Variants in DOCK1 observed in about 807,000 individuals in gnomAD.
DOCK1 encodes dedicator of cytokinesis 1, also known as dedicator of cytokinesis protein 1.
A neutral mutation model predicts 262.7 loss-of-function variants in DOCK1; 138 were observed. The ratio of observed to expected loss-of-function variants is 0.53; its 90% confidence interval spans 0.46 to 0.61. The LOEUF (loss-of-function observed/expected upper bound fraction) is 0.61. Among genes scored for constraint, DOCK1 ranks in the 20% least tolerant of loss-of-function variants. The pLI is 0.00. For synonymous variants in DOCK1, 866 were observed against 867.4 expected (o/e 1.00, Z 0.03); for missense variants, 1,908 against 2,370.7 (o/e 0.80, Z 4.05).
intron 1 of DOCK1, among the ~76,000 whole-genome samples, chr10:126,945,899 G>A (rs920456904): frequency 2.0e-5 from 3 of 152,166 alleles, no homozygotes; most frequent in Non-Finnish European, 4.4e-5. Flanking sequence ...CATGATTGCC[G>A]CAGTGCTTTA....
intron 49 of DOCK1, among the ~76,000 whole-genome samples, chr10:127,439,438 C>T (rs1183212787): frequency 2.0e-5 from 3 of 152,230 alleles, no homozygotes; most frequent in Non-Finnish European, 1.5e-5. Context: ...GTGGGCTTAG[C>T]ATTTGTCCCC....
intron 29 of DOCK1, among the ~76,000 whole-genome samples, chr10:127,303,313 G>T (rs1282239521): frequency 2.0e-5 from 3 of 152,148 alleles, no homozygotes; most frequent in African/African-American, 7.2e-5. Flanking sequence ...AGACAGCAAA[G>T]GTGGAGGATG....
chr10:126,998,130 GTT>G lies in DOCK1; in HGVS notation c.650_651del (p.Phe217CysfsTer18). 1.9e-6 allele frequency: 3 copies of G among 1,614,040 alleles called. No homozygotes were observed. The highest frequency in any genetic ancestry group is 2.5e-6 in the Non-Finnish European group (3 of 1,179,902). ...QNIDINRQAKFAATPSLALFV... is the reference protein window; with the variant it reads ...QNIDINRQAKXAATPSLALFV... ...ACATAGATATTAACAGACAAGCCAA[GTT>G]TGCTGCAACCCCTTCTCTGGCCTTG... On this transcript the variant is annotated frameshift_variant, in exon 8 of 52. Coordinates refer to ENST00000623213, the MANE Select transcript of DOCK1 (RefSeq NM_001290223.2). LOFTEE classifies it high-confidence loss of function.
chr10:126,914,397 TTTTA>T (rs145347278), intron 1 of DOCK1, among the ~76,000 whole-genome samples: 4,532 of 152,210 alleles, frequency 0.03, 232 homozygotes, highest in African/African-American at 0.1. Context: ...CAGTTTTAAA[TTTTA>T]TTTTATTTAT....
chr10:127,126,668 C>T (rs550989968), intron 26 of DOCK1, among the ~76,000 whole-genome samples: 100 of 152,296 alleles, frequency 6.6e-4, no homozygotes, highest in Non-Finnish European at 8.2e-4. Context: ...TTGGAGCACA[C>T]ACATGATGCT....
rs747189339 is a variant in DOCK1 at position 127,419,762 on chromosome 10, G to T, written c.4776+13G>T. Reference sequence around the variant, plus strand: ...GATTGCTTGGCAGGTAAAGTGTCCAGCAAGAGTCCTGCATGGCTGGAGGGA... The same window carrying T: ...GATTGCTTGGCAGGTAAAGTGTCCATCAAGAGTCCTGCATGGCTGGAGGGA... On this transcript the variant is annotated intron_variant, in intron 46 of 51. Transcript: ENST00000623213. 2.0e-5 allele frequency: 31 copies of T among 1,581,080 alleles called. No individual in the cohort carries two copies. Among genetic ancestry groups the T allele is most frequent in the Non-Finnish European group, 2.7e-5 (31 of 1,162,958 alleles).
intron 27 of DOCK1, among the ~76,000 whole-genome samples, chr10:127,146,540 A>G (rs1273734363): frequency 6.6e-6 from 1 of 152,212 alleles, no homozygotes; most frequent in Non-Finnish European, 1.5e-5. Context: ...TTCATTAAAC[A>G]AAAGTATTTC....
chr10:127,338,948 C>T, intron 29 of DOCK1, 58 bp from the exon 30 acceptor site: 1 of 1,430,584 alleles, frequency 7.0e-7, no homozygotes, highest in South Asian at 1.2e-5. Context: ...AAATGCCAAA[C>T]CTACCGAAGT....
intron 47 of DOCK1, among the ~76,000 whole-genome samples, chr10:127,432,877 C>T (rs1037493172): frequency 6.6e-6 from 1 of 152,054 alleles, no homozygotes; most frequent in Non-Finnish European, 1.5e-5. Context: ...TTTGATGGCC[C>T]GTGTAGTCTG....
chr10:127,428,757 G>A, intron 47 of DOCK1, among the ~76,000 whole-genome samples: 1 of 148,134 alleles, frequency 6.8e-6, no homozygotes, highest in African/African-American at 2.5e-5. Flanking sequence ...TGTGTGGATT[G>A]GGGTACCGTG....
At chr10:127,243,712 C>T (rs1484626656) in intron 27 of DOCK1, among the ~76,000 whole-genome samples, 2 of 152,088 alleles carry the variant, frequency 1.3e-5, no homozygotes, top group African/African-American at 4.8e-5. Context: ...CAAGGCCACA[C>T]CAACAGGGGG....
chr10:127,302,739 GGGGTGTGTGT>G (rs1489308519), intron 29 of DOCK1, among the ~76,000 whole-genome samples: 1,980 of 124,566 alleles, frequency 0.016, 40 homozygotes, highest in African/African-American at 0.048. Flanking sequence ...TGGAAAAGAG[GGGGTGTGTGT>G]GTGTGTGTGT....
At chr10:126,980,944 C>A (rs1002158873) in intron 3 of DOCK1, among the ~76,000 whole-genome samples, 1 of 149,716 alleles carries the variant, frequency 6.7e-6, no homozygotes, top group South Asian at 2.1e-4. Context: ...CAGGACCCTA[C>A]GTTTTTTTTT....
chr10:127,441,933 C>A (rs1379554115), intron 49 of DOCK1, among the ~76,000 whole-genome samples: 1 of 152,108 alleles, frequency 6.6e-6, no homozygotes, highest in Admixed American at 6.5e-5. Flanking sequence ...AATGTGCCCT[C>A]CCTGGGATGC....
At chr10:126,931,817 C>T (rs907313111) in intron 1 of DOCK1, among the ~76,000 whole-genome samples, 10 of 152,072 alleles carry the variant, frequency 6.6e-5, no homozygotes, top group African/African-American at 1.7e-4. Flanking sequence ...CCCTGGGCTT[C>T]GGGAGGATGC....
At chr10:126,919,768 G>A (rs542613192) in intron 1 of DOCK1, among the ~76,000 whole-genome samples, 8 of 152,302 alleles carry the variant, frequency 5.3e-5, no homozygotes, top group South Asian at 4.1e-4. Context: ...TGGTGGCTCC[G>A]TGTCCCCTGC....
At chr10:127,387,859 T>C (rs1288285506) in intron 38 of DOCK1, among the ~76,000 whole-genome samples, 1 of 6,222 alleles carries the variant, frequency 1.6e-4, no homozygotes, top group Non-Finnish European at 2.7e-4. Context: ...AAACAGAGTC[T>C]TTTTTTTTTT....
intron 25 of DOCK1, among the ~76,000 whole-genome samples, chr10:127,122,090 C>G (rs1459290399): frequency 6.6e-6 from 1 of 152,206 alleles, no homozygotes; most frequent in African/African-American, 2.4e-5. Flanking sequence ...CTTCCTGTAC[C>G]TGGGTCCAGT....
chr10:127,104,383 C>A (rs2048415594), intron 23 of DOCK1, among the ~76,000 whole-genome samples: 3 of 152,176 alleles, frequency 2.0e-5, no homozygotes, highest in Admixed American at 1.3e-4. Flanking sequence ...AAAAGTTTTA[C>A]AGTTTTTGAA....
Sources: gnomAD v4.1 joint callset for allele counts (sites outside exome capture counted in the v4.1 genomes callset) on GRCh38, gnomAD v4.1.1 for gene constraint, MANE v1.5 for transcripts, NCBI Gene and HGNC (gene_info 2026-07-23, HGNC 2026-07-21) for gene names.